MYT1L: variants seen among roughly 807,000 people sequenced by gnomAD.
MYT1L encodes the protein myelin transcription factor 1-like protein.
In MYT1L, 12 loss-of-function variants were observed where a neutral mutation model predicts 126.7. That is an observed-to-expected ratio of 0.09 (90% CI 0.06 to 0.15). MYT1L has a LOEUF of 0.15. MYT1L is among the 10% of genes least tolerant of loss of function. The probability of loss-of-function intolerance (pLI) is 1.00; values close to 1 mark genes in which losing one functional copy is unlikely to be tolerated. For synonymous variants in MYT1L, 541 were observed against 604.2 expected (o/e 0.90, Z 1.53); for missense variants, 979 against 1,585.2 (o/e 0.62, Z 6.49).
intron 2 of MYT1L, among the ~76,000 whole-genome samples, chr2:2,193,417 G>A (rs1038152167): frequency 2.0e-5 from 3 of 152,212 alleles, no homozygotes; most frequent in East Asian, 1.9e-4. Flanking sequence ...ACACAGCAAA[G>A]TCATGTGCCC....
intron 1 of MYT1L, among the ~76,000 whole-genome samples, chr2:2,318,089 G>A (rs1157341575): frequency 9.9e-5 from 15 of 152,184 alleles, no homozygotes. Context: ...TCACACTTCA[G>A]TTATGCCTTT....
At chr2:1,797,506 C>T (rs981798335) in intron 23 of MYT1L, among the ~76,000 whole-genome samples, 3 of 152,200 alleles carry the variant, frequency 2.0e-5, no homozygotes, top group Non-Finnish European at 4.4e-5. Flanking sequence ...AGGCGTGAGC[C>T]ACTGTGCCCG....
At chr2:2,328,133 T>G (rs1308738795) in intron 1 of MYT1L, among the ~76,000 whole-genome samples, 1 of 152,170 alleles carries the variant, frequency 6.6e-6, no homozygotes, top group Admixed American at 6.5e-5. Flanking sequence ...ATTAACTCAA[T>G]TTTTTAATTT....
rs543986891 is a variant in MYT1L at position 1,951,454 on chromosome 2, G to C, written c.153-8120C>G. Among the ~76,000 whole-genome samples, 7 of 152,194 alleles carry C rather than the reference G, an allele frequency of 4.6e-5. No homozygotes were observed. In the South Asian group the frequency reaches 1.5e-3, roughly 32 times the overall value. On this transcript the variant is annotated intron_variant, in intron 8 of 24. Transcript: ENST00000647738. ...CATATCCACAGGAAACAGAGAACAT[G>C]GGCTAGCCCAGGAGACACAACCACA...
chr2:2,122,868 T>TGAGAGAGA (rs1180148782), intron 3 of MYT1L, among the ~76,000 whole-genome samples: 9 of 143,500 alleles, frequency 6.3e-5, no homozygotes, highest in African/African-American at 2.5e-4. Flanking sequence ...TGTGTGTGTG[T>TGAGAGAGA]GTGTGAGAGA....
At chr2:1,914,171 T>A (rs912313871) in intron 11 of MYT1L, among the ~76,000 whole-genome samples, 2 of 152,086 alleles carry the variant, frequency 1.3e-5, no homozygotes, top group African/African-American at 4.8e-5. Flanking sequence ...GGAGCATCAC[T>A]TGATCCCACG....
intron 20 of MYT1L, 95 bp downstream of exon 20, chr2:1,840,665 T>C: frequency 1.1e-6 from 1 of 895,946 alleles, no homozygotes; most frequent in Admixed American, 2.4e-5. Flanking sequence ...AGACCCGCTG[T>C]CTCTTTTTCT....
chr2:2,086,292 C>A (rs2076344457), intron 3 of MYT1L, among the ~76,000 whole-genome samples: 1 of 152,120 alleles, frequency 6.6e-6, no homozygotes, highest in Non-Finnish European at 1.5e-5. Context: ...AAGTATGGGG[C>A]CGTTAAACCA....
chr2:2,225,892 T>C (rs1302614194), intron 2 of MYT1L, among the ~76,000 whole-genome samples: 2 of 152,208 alleles, frequency 1.3e-5, no homozygotes, highest in African/African-American at 4.8e-5. Context: ...CTTTCCTAGC[T>C]GCACTTTACA....
At position 1,979,246 on chromosome 2, in the gene MYT1L, G is replaced by T; in HGVS notation, c.90-19C>A. ...GGGACAGCTGCAACAGGAAAGAATG[G>T]ATTACACGGTGCCGCAGGCAGGCAG... On this transcript the variant is annotated intron_variant, in intron 7 of 24. Transcript: ENST00000647738. This position sits in a 1 kb window ranked among gnomAD's most constrained non-coding sequence, Gnocchi z 4.0. 1 of 1,611,390 alleles carries T rather than the reference G, an allele frequency of 6.2e-7. No homozygotes were observed. Among genetic ancestry groups the T allele is most frequent in the African/African-American group, 1.3e-5 (1 of 74,990 alleles).
chr2:2,266,329 C>T (rs1171026021), intron 2 of MYT1L, among the ~76,000 whole-genome samples: 8 of 152,210 alleles, frequency 5.3e-5, no homozygotes, highest in Non-Finnish European at 1.0e-4. Context: ...GCAATGGAAA[C>T]TGATGGAATT....
chr2:1,892,180 T>C lies in MYT1L; in HGVS notation c.2140A>G (p.Thr714Ala). 6.5e-7 allele frequency: 1 copy of C among 1,549,580 alleles called. No homozygotes were observed. The highest frequency in any genetic ancestry group is 8.7e-7 in the Non-Finnish European group (1 of 1,146,648). ...TAGTCGAAGCTGCTCTTGCTGCACG[T>C]GCTGCTGGCGCTGCTGCCCCCGCCG... Reference protein sequence around the residue: ...SCGGGSSASSTCSKSSFDYTH... With the variant: ...SCGGGSSASSACSKSSFDYTH... Residue 714 changes from threonine to alanine, a missense_variant, in exon 15 of 25, where the codon ACG becomes GCG. Transcript: ENST00000647738.
At chr2:2,225,411 T>C (rs191773195) in intron 2 of MYT1L, among the ~76,000 whole-genome samples, 4 of 152,268 alleles carry the variant, frequency 2.6e-5, no homozygotes, top group Non-Finnish European at 5.9e-5. Context: ...TACACCCCAG[T>C]TGCAAACCAC....
chr2:1,895,586 C>T (rs1158353680), intron 14 of MYT1L, among the ~76,000 whole-genome samples: 1 of 152,096 alleles, frequency 6.6e-6, no homozygotes, highest in Non-Finnish European at 1.5e-5. Context: ...TTTGATAAGG[C>T]CAATGAGAAC....
In MYT1L at chr2:2,180,516, CTGTG is replaced by C. The variant is rs199817990; in HGVS notation, c.-420-7532_-420-7529del. 5.9e-3 allele frequency among the ~76,000 whole-genome samples: 902 copies of C among 152,148 alleles called. 10 individuals are homozygous for C. The highest frequency in any genetic ancestry group is 0.02 in the African/African-American group (827 of 41,484). ...ACTGTGCCTGAAGGTGTATGCGAAC[CTGTG>C]TGTGTACCTGTGTGTGCACCTGTAT... On this transcript the variant is annotated intron_variant, in intron 2 of 24. Coordinates refer to ENST00000647738, the MANE Select transcript of MYT1L (RefSeq NM_001303052.2).
At chr2:2,291,507 C>G (rs1235599401) in intron 1 of MYT1L, among the ~76,000 whole-genome samples, 1 of 152,194 alleles carries the variant, frequency 6.6e-6, no homozygotes, top group African/African-American at 2.4e-5. Flanking sequence ...AGGAAAGTGT[C>G]CAGGTCTTTG....
At chr2:2,121,879 T>G (rs960636225) in intron 3 of MYT1L, among the ~76,000 whole-genome samples, 1 of 152,124 alleles carries the variant, frequency 6.6e-6, no homozygotes, top group Non-Finnish European at 1.5e-5. Flanking sequence ...GTGATCTCAG[T>G]CCCTTCTTGC....
rs142612975 is a variant in MYT1L at position 1,890,624 on chromosome 2, T to G, written c.2284-1147A>C. ...CCTCTCAGGAAGAGAGTCAGAAGAA[T>G]GGACACATGGACAGAAAGTTAAAAA... On this transcript the variant is annotated intron_variant, in intron 15 of 24. Coordinates refer to ENST00000647738, the MANE Select transcript of MYT1L (RefSeq NM_001303052.2). Among the ~76,000 whole-genome samples the G allele has an allele frequency of 2.3e-3, 356 of 151,966 alleles. 1 individual carries two copies. The highest frequency in any genetic ancestry group is 7.7e-3 in the African/African-American group (320 of 41,378).
chr2:2,062,449 G>C (rs529407676), intron 3 of MYT1L, among the ~76,000 whole-genome samples: 1 of 152,232 alleles, frequency 6.6e-6, no homozygotes, highest in South Asian at 2.1e-4. Flanking sequence ...TTGAAAGCTT[G>C]GGCTGTAATG....
Sources: allele counts gnomAD v4.1 joint callset (sites outside exome capture counted in the v4.1 genomes callset), GRCh38; gene constraint gnomAD v4.1.1; non-coding constraint Gnocchi (gnomAD v3.1); transcripts MANE v1.5; gene names NCBI Gene and HGNC (gene_info 2026-07-23, HGNC 2026-07-21).